Variants in ROR1 observed in about 807,000 individuals in gnomAD.
ROR1 encodes the protein inactive tyrosine-protein kinase transmembrane receptor ROR1.
In ROR1, 19 loss-of-function variants were observed where a neutral mutation model predicts 78.8. The ratio of observed to expected loss-of-function variants is 0.24; its 90% CI spans 0.17 to 0.35. The LOEUF (loss-of-function observed/expected upper bound fraction) is 0.35, where lower values mean the gene tolerates loss of function less well. ROR1 is among the 10% of genes least tolerant of loss of function. The pLI is 1.00. For synonymous variants in ROR1, 386 were observed against 433.6 expected, an observed-to-expected ratio of 0.89 and a Z score of 1.36; for missense variants, 917 against 1,177.8, an observed-to-expected ratio of 0.78 and a Z score of 3.24.
At chr1:64,059,396 C>T (rs1161062516) in intron 4 of ROR1, among the ~76,000 whole-genome samples, 1 of 152,084 alleles carries the variant, frequency 6.6e-6, no homozygotes, top group Non-Finnish European at 1.5e-5. Flanking sequence ...TCTGTATTTT[C>T]TGTCATGTAC....
At position 63,961,557 on chromosome 1, in the gene ROR1, CATTAT is replaced by C. The variant is rs200262848; in HGVS notation, c.92-47743_92-47739del. On this transcript the variant is annotated intron_variant, in intron 1 of 8. Coordinates refer to ENST00000371079, the MANE Select transcript of ROR1 (RefSeq NM_005012.4). ...TGGCAACATGGGTGAGCCTGGAGGA[CATTAT>C]ATTAAGTAGAATATGCCAAGCACAG... is the stretch of plus-strand genomic sequence containing the variant. Among the ~76,000 whole-genome samples the C allele has an allele frequency of 5.1e-3, 776 of 152,208 alleles. 11 individuals carry two copies. Among genetic ancestry groups the C allele is most frequent in the African/African-American group, 0.018 (750 of 41,532 alleles).
chr1:64,092,690 C>T (rs1246174099), intron 4 of ROR1, among the ~76,000 whole-genome samples: 1 of 152,188 alleles, frequency 6.6e-6, no homozygotes, highest in Non-Finnish European at 1.5e-5. Context: ...AACTACCAGA[C>T]TGGATTATCT....
At chr1:63,834,804 C>G (rs1287899901) in intron 1 of ROR1, among the ~76,000 whole-genome samples, 1 of 152,088 alleles carries the variant, frequency 6.6e-6, no homozygotes, top group Non-Finnish European at 1.5e-5. Flanking sequence ...CAAGGCATGT[C>G]GTTGGGCTCG....
chr1:64,119,583 G>C (rs1030504243), intron 4 of ROR1, among the ~76,000 whole-genome samples: 1 of 148,510 alleles, frequency 6.7e-6, no homozygotes, highest in African/African-American at 2.5e-5. Flanking sequence ...AGGTTGCAGT[G>C]AGCCCAGACT....
intron 4 of ROR1, among the ~76,000 whole-genome samples, chr1:64,072,414 A>G (rs1415318401): frequency 1.3e-5 from 2 of 152,152 alleles, no homozygotes; most frequent in Non-Finnish European, 1.5e-5. Context: ...TTCTCACTGC[A>G]GTAGGGGCTT....
chr1:64,093,460 A>G (rs1182569258), intron 4 of ROR1, among the ~76,000 whole-genome samples: 1 of 152,132 alleles, frequency 6.6e-6, no homozygotes, highest in Non-Finnish European at 1.5e-5. Flanking sequence ...TCTTTCCCCA[A>G]TACAAATCTG....
At chr1:64,164,506 T>A (rs1650031430) in intron 8 of ROR1, among the ~76,000 whole-genome samples, 1 of 152,200 alleles carries the variant, frequency 6.6e-6, no homozygotes, top group Non-Finnish European at 1.5e-5. Context: ...AAAGGGATAT[T>A]TTTTACACTT....
Position 64,078,273 on chromosome 1 carries a change from A to G in ROR1, c.482+27557A>G, listed in dbSNP as rs118075872. 2.9e-4 allele frequency among the ~76,000 whole-genome samples: 44 copies of G among 152,328 alleles called. No individual in the cohort carries two copies. The East Asian group carries it at 7.3e-3, about 25-fold the overall frequency. On this transcript the variant is annotated intron_variant, in intron 4 of 8. Transcript: ENST00000371079. The stretch of plus-strand genomic sequence containing the variant: ...GGCATGTGAGGGTCTTGGAAAAAGA[A>G]TAGGAGTTTGCCAACTAGACAAGCA...
intron 1 of ROR1, among the ~76,000 whole-genome samples, chr1:63,848,269 G>A (rs11208302): frequency 0.21 from 32,199 of 152,124 alleles, 3,613 homozygotes; most frequent in Middle Eastern, 0.26. Flanking sequence ...GCAAAAAGGC[G>A]TCTTCATTTT....
intron 1 of ROR1, among the ~76,000 whole-genome samples, chr1:63,877,052 A>G (rs1026595287): frequency 1.1e-4 from 17 of 152,098 alleles, no homozygotes; most frequent in Admixed American, 6.6e-4. Context: ...GCACACAATG[A>G]TTAGCGCTAA....
chr1:64,119,516 G>A (rs4915945), intron 4 of ROR1, among the ~76,000 whole-genome samples: 46,085 of 151,636 alleles, frequency 0.3, 7,427 homozygotes, highest in African/African-American at 0.34. Flanking sequence ...GCAGGCGCCT[G>A]TAATCCCAGT....
intron 1 of ROR1, among the ~76,000 whole-genome samples, chr1:63,961,313 G>A (rs1381123946): frequency 1.3e-5 from 2 of 152,100 alleles, no homozygotes; most frequent in Admixed American, 1.3e-4. Flanking sequence ...ACTTCCATAT[G>A]ATCCAATAAT....
chr1:63,902,635 G>A (rs1169430560), intron 1 of ROR1, among the ~76,000 whole-genome samples: 1 of 152,094 alleles, frequency 6.6e-6, no homozygotes, highest in Non-Finnish European at 1.5e-5. Flanking sequence ...AAAAGATGTG[G>A]ATTATAAATC....
intron 1 of ROR1, among the ~76,000 whole-genome samples, chr1:63,950,707 G>A (rs1645928446): frequency 6.6e-6 from 1 of 152,150 alleles, no homozygotes; most frequent in South Asian, 2.1e-4. Flanking sequence ...CAGACCTAGG[G>A]CAAGTTCCCC....
intron 1 of ROR1, among the ~76,000 whole-genome samples, chr1:63,891,555 T>G (rs1645396327): frequency 6.6e-6 from 1 of 152,146 alleles, no homozygotes; most frequent in Non-Finnish European, 1.5e-5. Context: ...AGGTAACTGG[T>G]AAAGCATTAT....
intron 1 of ROR1, among the ~76,000 whole-genome samples, chr1:63,900,753 C>T (rs2100402711): frequency 6.6e-6 from 1 of 152,150 alleles, no homozygotes; most frequent in South Asian, 2.1e-4. Context: ...TATTCGTATG[C>T]ATTATATATT....
intron 1 of ROR1, among the ~76,000 whole-genome samples, chr1:63,787,452 T>TCCTG (rs1377160248): frequency 7.7e-6 from 1 of 129,466 alleles, no homozygotes; most frequent in East Asian, 2.1e-4. Context: ...CTTCCTTCCT[T>TCCTG]CCTTCCTTCC....
intron 1 of ROR1, among the ~76,000 whole-genome samples, chr1:63,880,182 T>C (rs1323286642): frequency 6.6e-6 from 1 of 152,186 alleles, no homozygotes; most frequent in African/African-American, 2.4e-5. Flanking sequence ...ATGATGCATG[T>C]ATAATGCTGA....
chr1:64,162,640 T>A (rs969226534), intron 8 of ROR1, among the ~76,000 whole-genome samples: 1 of 152,170 alleles, frequency 6.6e-6, no homozygotes, highest in Admixed American at 6.5e-5. Context: ...TAGACTGCAT[T>A]CAAGTATAAG....
Sources: gnomAD v4.1 joint callset for allele counts (sites outside exome capture counted in the v4.1 genomes callset) on GRCh38, gnomAD v4.1.1 for gene constraint, MANE v1.5 for transcripts, NCBI Gene and HGNC (gene_info 2026-07-23, HGNC 2026-07-21) for gene names.